The following PITPNC1 variants were observed in gnomAD, a reference collection of about 807,000 sequenced individuals.
The protein encoded by PITPNC1 is phosphatidylinositol transfer protein cytoplasmic 1.
PITPNC1 carries 18 observed loss-of-function variants against 44.7 expected under a neutral mutation model. The observed-to-expected ratio is 0.40, with a 90% CI of 0.28 to 0.60. The LOEUF (loss-of-function observed/expected upper bound fraction) is 0.60, where lower values mean the gene tolerates loss of function less well. Among genes scored for constraint, PITPNC1 ranks in the 20% least tolerant of loss-of-function variants. The pLI, the probability that PITPNC1 is intolerant of heterozygous loss-of-function variation, is 0.39. For missense variants in PITPNC1, 290 were observed against 418.4 expected, an observed-to-expected ratio of 0.69 and a Z score of 2.68; for synonymous variants, 141 against 149.6, an observed-to-expected ratio of 0.94 and a Z score of 0.42.
At chr17:67,630,799 C>T (rs1273805885) in intron 5 of PITPNC1, among the ~76,000 whole-genome samples, 2 of 151,308 alleles carry the variant, frequency 1.3e-5, no homozygotes, top group Non-Finnish European at 2.9e-5. Context: ...GCAACCTCTG[C>T]CTCCTGGGTT....
intron 1 of PITPNC1, among the ~76,000 whole-genome samples, chr17:67,505,802 G>A (rs959641035): frequency 6.6e-6 from 1 of 152,190 alleles, no homozygotes; most frequent in African/African-American, 2.4e-5. Context: ...CACCTGTAGG[G>A]AGTGTTTCCT....
intron 1 of PITPNC1, among the ~76,000 whole-genome samples, chr17:67,406,199 C>T (rs1190249288): frequency 3.9e-5 from 6 of 152,074 alleles, no homozygotes; most frequent in Admixed American, 1.3e-4. Flanking sequence ...TGGCTTTTCA[C>T]AGGCGCGATC....
chr17:67,472,311 A>G (rs969509260), intron 1 of PITPNC1, among the ~76,000 whole-genome samples: 2 of 143,496 alleles, frequency 1.4e-5, no homozygotes, highest in African/African-American at 5.2e-5. Context: ...TACATCATTA[A>G]CACTATGACA....
At chr17:67,535,928 G>A (rs1207611270) in intron 2 of PITPNC1, among the ~76,000 whole-genome samples, 2 of 152,224 alleles carry the variant, frequency 1.3e-5, no homozygotes, top group Non-Finnish European at 1.5e-5. Context: ...TAAATGGAAA[G>A]TTGGAACTGA....
intron 8 of PITPNC1, among the ~76,000 whole-genome samples, chr17:67,678,102 G>A (rs2042636601): frequency 6.6e-6 from 1 of 151,992 alleles, no homozygotes; most frequent in African/African-American, 2.4e-5. Flanking sequence ...CGTAGTCTTA[G>A]CTATTCAGGA....
intron 1 of PITPNC1, among the ~76,000 whole-genome samples, chr17:67,467,339 C>T (rs1261070946): frequency 6.6e-6 from 1 of 152,180 alleles, no homozygotes; most frequent in African/African-American, 2.4e-5. Context: ...CAGGCATGAG[C>T]CACTGTGCCC....
intron 4 of PITPNC1, among the ~76,000 whole-genome samples, chr17:67,563,356 A>G (rs2040930701): frequency 6.6e-6 from 1 of 152,196 alleles, no homozygotes; most frequent in Non-Finnish European, 1.5e-5. Flanking sequence ...GAATGCATTG[A>G]ATTCCAGATA....
At chr17:67,387,348 T>TC in intron 1 of PITPNC1, among the ~76,000 whole-genome samples, 1 of 152,230 alleles carries the variant, frequency 6.6e-6, no homozygotes, top group East Asian at 1.9e-4. Flanking sequence ...TCCTGAACAC[T>TC]CCATCTACAA....
At chr17:67,669,958 A>T (rs2042484808) in intron 7 of PITPNC1, among the ~76,000 whole-genome samples, 1 of 152,068 alleles carries the variant, frequency 6.6e-6, no homozygotes, top group African/African-American at 2.4e-5. Context: ...CCTGTAACCC[A>T]GCTACTCAGG....
At chr17:67,614,955 T>C (rs899774259) in intron 5 of PITPNC1, among the ~76,000 whole-genome samples, 4 of 151,932 alleles carry the variant, frequency 2.6e-5, no homozygotes, top group African/African-American at 9.7e-5. Flanking sequence ...TTCTCCCCAT[T>C]GGGGAAAAAT....
rs200144380 is a variant in PITPNC1 at position 67,514,671 on chromosome 17, C to CA, written c.49-18125dup. On this transcript the variant is annotated intron_variant, in intron 1 of 8. Coordinates refer to ENST00000581322, the MANE Select transcript of PITPNC1 (RefSeq NM_012417.4). ...GAAACCCCATCTCTACTAAAAAATACAAAAAATAGCCCAGCATGGTGGCAT... is the reference window on the plus strand; with the variant it reads ...GAAACCCCATCTCTACTAAAAAATACAAAAAAATAGCCCAGCATGGTGGCAT... Among the ~76,000 whole-genome samples, 1,426 of 151,950 alleles carry CA rather than the reference C, an allele frequency of 9.4e-3. 18 individuals are homozygous for CA. The highest frequency in any genetic ancestry group is 0.033 in the African/African-American group (1,360 of 41,478).
intron 5 of PITPNC1, among the ~76,000 whole-genome samples, chr17:67,591,027 T>A (rs765669023): frequency 1.6e-4 from 25 of 151,722 alleles, no homozygotes; most frequent in Non-Finnish European, 3.1e-4. Flanking sequence ...CTTAACCAAA[T>A]GTCTGTAACG....
At chr17:67,492,206 C>G (rs1028710008) in intron 1 of PITPNC1, among the ~76,000 whole-genome samples, 4 of 152,064 alleles carry the variant, frequency 2.6e-5, no homozygotes, top group African/African-American at 9.7e-5. Flanking sequence ...TAAATATCCC[C>G]CAGAGCCTGT....
chr17:67,581,812 T>TC (rs1275460806), intron 5 of PITPNC1, among the ~76,000 whole-genome samples: 2 of 152,148 alleles, frequency 1.3e-5, no homozygotes, highest in Admixed American at 6.5e-5. Flanking sequence ...GGTGGGTGGA[T>TC]ACCTGAGGTC....
chr17:67,494,049 C>A (rs990567481), intron 1 of PITPNC1, among the ~76,000 whole-genome samples: 1 of 152,144 alleles, frequency 6.6e-6, no homozygotes, highest in Non-Finnish European at 1.5e-5. Flanking sequence ...CCTGTCCTTG[C>A]GGAGCTGACC....
rs535116029 is a variant in PITPNC1 at position 67,696,935 on chromosome 17, A to T, written c.*4047A>T. ...GCAAGTCTCCCTTCAGTTTCTATAT[A>T]TCACCCAGGAGAGGGTCTCTGAGTT... On this transcript the variant is annotated 3_prime_UTR_variant, in exon 9 of 9. Transcript: ENST00000581322. 1 of 152,342 alleles carries T rather than the reference A, an allele frequency of 6.6e-6. No individual in the cohort carries two copies. Among genetic ancestry groups the T allele is most frequent in the African/African-American group, 2.4e-5 (1 of 41,572 alleles). The allele number at this position is 152,342 out of a possible 1,614,324, so 9.4% of individuals were successfully genotyped here. A position where few individuals can be genotyped will look rare whatever the true frequency, so the allele number is the denominator to read the frequency against.
chr17:67,685,962 C>T (rs1428987474), intron 8 of PITPNC1, among the ~76,000 whole-genome samples: 1 of 151,950 alleles, frequency 6.6e-6, no homozygotes, highest in Non-Finnish European at 1.5e-5. Context: ...TCCCATGTAG[C>T]TGGGATTACA....
intron 5 of PITPNC1, 75 bp from the exon 6 acceptor site, chr17:67,632,068 G>C (rs1213790348): frequency 8.2e-6 from 7 of 855,396 alleles, no homozygotes; most frequent in Non-Finnish European, 1.4e-5. Flanking sequence ...CTGTGTGGGG[G>C]TTATTCTGCC....
chr17:67,686,193 G>T (rs2042812486), intron 8 of PITPNC1, among the ~76,000 whole-genome samples: 1 of 150,188 alleles, frequency 6.7e-6, no homozygotes, highest in Non-Finnish European at 1.5e-5. Flanking sequence ...TGACATTTTG[G>T]ACCAGATAAT....
Sources: allele counts gnomAD v4.1 joint callset (sites outside exome capture counted in the v4.1 genomes callset), GRCh38; gene constraint gnomAD v4.1.1; transcripts MANE v1.5; gene names NCBI Gene and HGNC (gene_info 2026-07-23, HGNC 2026-07-21).